Variants in RASGRF1 observed in about 807,000 individuals in gnomAD.
The protein encoded by RASGRF1 is Ras protein specific guanine nucleotide releasing factor 1.
In RASGRF1, 40 loss-of-function variants were observed where a neutral mutation model predicts 138.7. The observed-to-expected ratio is 0.29, with a 90% CI of 0.22 to 0.38. The LOEUF (loss-of-function observed/expected upper bound fraction) is 0.38, where lower values mean the gene tolerates loss of function less well. RASGRF1 is among the 10% of genes least tolerant of loss of function. The pLI is 1.00. For synonymous variants in RASGRF1, 614 were observed against 663.2 expected (o/e 0.93, Z 1.14); for missense variants, 1,108 against 1,650.4 (o/e 0.67, Z 5.69).
At chr15:78,976,539 G>A (rs2055874583) in intron 24 of RASGRF1, among the ~76,000 whole-genome samples, 1 of 148,550 alleles carries the variant, frequency 6.7e-6, no homozygotes, top group Admixed American at 6.7e-5. Context: ...TGAAGGAGGG[G>A]ACAAGAGAAC....
intron 3 of RASGRF1, among the ~76,000 whole-genome samples, chr15:79,056,030 C>A (rs2057505811): frequency 2.6e-5 from 4 of 152,174 alleles, no homozygotes; most frequent in Admixed American, 2.6e-4. Context: ...GTGGGAAAGC[C>A]ATGGGAGCAG....
intron 1 of RASGRF1, among the ~76,000 whole-genome samples, chr15:79,067,082 A>G (rs2057690400): frequency 6.6e-6 from 1 of 150,832 alleles, no homozygotes; most frequent in Admixed American, 6.6e-5. Flanking sequence ...GATAGGAGAC[A>G]CTGCCTAGAC....
At chr15:79,025,050 C>CACA (rs1595914193) in intron 10 of RASGRF1, among the ~76,000 whole-genome samples, 1 of 151,028 alleles carries the variant, frequency 6.6e-6, no homozygotes, top group Non-Finnish European at 1.5e-5. Context: ...CCCTCTGGCT[C>CACA]CTCTGCCCAG....
At chr15:79,069,842 T>C (rs1169476926) in intron 1 of RASGRF1, among the ~76,000 whole-genome samples, 1 of 152,128 alleles carries the variant, frequency 6.6e-6, no homozygotes, top group African/African-American at 2.4e-5. Context: ...TTTTAAACAT[T>C]CACAGACATT....
chr15:79,036,618 G>A (rs8038104), intron 5 of RASGRF1, among the ~76,000 whole-genome samples: 66,636 of 151,980 alleles, frequency 0.44, 15,176 homozygotes, highest in Non-Finnish European at 0.51. Context: ...AGGCGGTGGG[G>A]GGCAGGGCAC....
At chr15:79,024,492 T>C (rs1045687908) in intron 10 of RASGRF1, among the ~76,000 whole-genome samples, 2 of 152,066 alleles carry the variant, frequency 1.3e-5, no homozygotes, top group East Asian at 3.9e-4. Context: ...ATGGTTTGGC[T>C]GTGTCCCCAC....
At position 78,973,271 on chromosome 15, in the gene RASGRF1, C is replaced by A; in HGVS notation, c.3612+32G>T. On this transcript the variant is annotated intron_variant, in intron 25 of 26. Coordinates refer to ENST00000558480, the MANE Select transcript of RASGRF1 (RefSeq NM_001145648.3). This position sits in a 1 kb window ranked among gnomAD's most constrained non-coding sequence, Gnocchi z 4.9. ...GTTGAGTCATCTGGGCTTCAACGCC[C>A]CCCTTCCCCTGCCTGGCTGGGGGGA... The A allele has an allele frequency of 6.5e-7, 1 of 1,534,620 alleles. No homozygotes were observed. The highest frequency in any genetic ancestry group is 8.9e-7 in the Non-Finnish European group (1 of 1,118,118).
intron 17 of RASGRF1, among the ~76,000 whole-genome samples, chr15:78,999,106 A>AG (rs1160148451): frequency 1.3e-5 from 2 of 151,254 alleles, no homozygotes; most frequent in African/African-American, 4.9e-5. Flanking sequence ...AGAGCCACGC[A>AG]GGGCCTCCCC....
In RASGRF1 at chr15:79,090,330, C is replaced by A. The variant is rs373629911; in HGVS notation, c.169G>T (p.Asp57Tyr). 6.2e-7 allele frequency: 1 copy of A among 1,613,930 alleles called. No individual in the cohort carries two copies. Among genetic ancestry groups the A allele is most frequent in the Non-Finnish European group, 8.5e-7 (1 of 1,179,974 alleles). ...LQNLLFYFES[D>Y]SSSRPSGLYL... ...AGCCCCGAGGGCCGCGAGCTCGAGT[C>A]GCTCTCGAAGTAGAAGAGCAGGTTC... The change falls in exon 1 of 27, where the codon GAC becomes TAC. Residue 57 changes from aspartate (D) to tyrosine (Y), a missense_variant. Coordinates refer to ENST00000558480, the MANE Select transcript of RASGRF1 (RefSeq NM_001145648.3).
chr15:79,064,171 A>T (rs570204868), intron 2 of RASGRF1, among the ~76,000 whole-genome samples: 1 of 152,154 alleles, frequency 6.6e-6, no homozygotes, highest in Non-Finnish European at 1.5e-5. Flanking sequence ...CTGCTAATAT[A>T]AAAAAGGTAA....
At chr15:78,986,557 C>A (rs1343380207) in intron 22 of RASGRF1, among the ~76,000 whole-genome samples, 1 of 151,846 alleles carries the variant, frequency 6.6e-6, no homozygotes, top group African/African-American at 2.4e-5. Flanking sequence ...ATGTTGGCCA[C>A]GCTGGTCTCG....
At chr15:78,982,114 C>G (rs73465317) in intron 23 of RASGRF1, among the ~76,000 whole-genome samples, 18,032 of 152,208 alleles carry the variant, frequency 0.12, 1,113 homozygotes, top group Admixed American at 0.14. Flanking sequence ...CTTTATGGGC[C>G]TCAGTGTCCC....
At chr15:79,077,620 G>T (rs143310993) in intron 1 of RASGRF1, among the ~76,000 whole-genome samples, 1 of 152,270 alleles carries the variant, frequency 6.6e-6, no homozygotes, top group Non-Finnish European at 1.5e-5. Flanking sequence ...GTGGGTTACA[G>T]GGAGATGGCG....
At chr15:79,042,790 C>A (rs2057313117) in intron 5 of RASGRF1, among the ~76,000 whole-genome samples, 1 of 152,190 alleles carries the variant, frequency 6.6e-6, no homozygotes, top group South Asian at 2.1e-4. Context: ...CAGCACAATG[C>A]AGGTCCCACA....
At position 79,090,630 on chromosome 15, in the gene RASGRF1, A is replaced by C; in HGVS notation, c.-132T>G. 20 of 1,165,272 alleles carry C rather than the reference A, an allele frequency of 1.7e-5. No homozygotes were observed. The highest frequency in any genetic ancestry group is 2.0e-5 in the Non-Finnish European group (17 of 852,174). 72.2% of individuals were successfully genotyped at this position (1,165,272 alleles called of 1,614,324 possible). A position where few individuals can be genotyped will look rare whatever the true frequency, so the allele number is the denominator to read the frequency against. On this transcript the variant is annotated 5_prime_UTR_variant, in exon 1 of 27. The change creates a new upstream start codon in the 5' untranslated region. Transcript: ENST00000558480. Reference sequence around the variant, plus strand: ...TCCCTCTAGCTCTCCCCTCCCCCCAAATATCTACACTCCAGGATCTGGCGC... The same window carrying C: ...TCCCTCTAGCTCTCCCCTCCCCCCACATATCTACACTCCAGGATCTGGCGC...
intron 1 of RASGRF1, among the ~76,000 whole-genome samples, chr15:79,083,083 G>A (rs143368415): frequency 1.8e-4 from 28 of 152,336 alleles, no homozygotes; most frequent in African/African-American, 6.3e-4. Context: ...TGGCAGAGCC[G>A]AGACTTAGAG....
chr15:79,085,361 G>C (rs1246875869), intron 1 of RASGRF1, among the ~76,000 whole-genome samples: 1 of 152,188 alleles, frequency 6.6e-6, no homozygotes. Context: ...AGGAGAGTGG[G>C]ATGGGTGGCT....
chr15:79,035,378 G>A (rs1292611455), intron 5 of RASGRF1, among the ~76,000 whole-genome samples, 168 bp from the exon 6 acceptor site: 1 of 152,244 alleles, frequency 6.6e-6, no homozygotes, highest in Non-Finnish European at 1.5e-5. Flanking sequence ...GGGGGTGCCT[G>A]GTGGTGCTAA....
intron 1 of RASGRF1, among the ~76,000 whole-genome samples, chr15:79,081,182 CCAGAGGGCATGGGG>C (rs1377648991): frequency 6.6e-5 from 10 of 152,298 alleles, no homozygotes; most frequent in Admixed American, 5.2e-4. Context: ...GTGGGAAGCC[CCAGAGGGCATGGGG>C]CAGAGGGCAT....
Sources: gnomAD v4.1 joint callset for allele counts (sites outside exome capture counted in the v4.1 genomes callset) on GRCh38, gnomAD v4.1.1 for gene constraint, Gnocchi (gnomAD v3.1) non-coding constraint, MANE v1.5 for transcripts, NCBI Gene and HGNC (gene_info 2026-07-23, HGNC 2026-07-21) for gene names.